LRRC4C: variants seen among roughly 807,000 people sequenced by gnomAD.
LRRC4C encodes leucine-rich repeat-containing protein 4C.
LRRC4C carries 5 observed loss-of-function variants against 33.6 expected under a neutral mutation model. The ratio of observed to expected loss-of-function variants is 0.15; its 90% CI spans 0.08 to 0.31. The LOEUF (loss-of-function observed/expected upper bound fraction) is 0.31. Ranked by LOEUF, LRRC4C falls within the 10% of genes least tolerant of loss-of-function variation. The pLI is 1.00. For missense variants in LRRC4C, 560 were observed against 796.7 expected, an observed-to-expected ratio of 0.70 and a Z score of 3.58; for synonymous variants, 329 against 302.0, an observed-to-expected ratio of 1.09 and a Z score of -0.93.
intron 2 of LRRC4C, among the ~76,000 whole-genome samples, chr11:40,807,404 C>T (rs1565085550): frequency 2.0e-5 from 3 of 152,150 alleles, no homozygotes; most frequent in Non-Finnish European, 4.4e-5. Flanking sequence ...ACAAACAAAC[C>T]GTGAGCACAC....
intron 1 of LRRC4C, among the ~76,000 whole-genome samples, chr11:41,367,092 C>A (rs1053226668): frequency 1.3e-5 from 2 of 152,106 alleles, no homozygotes; most frequent in African/African-American, 2.4e-5. Flanking sequence ...ATGACTAATC[C>A]AAAGACACAG....
chr11:40,910,881 G>A (rs1180789389), intron 2 of LRRC4C, among the ~76,000 whole-genome samples: 2 of 152,204 alleles, frequency 1.3e-5, no homozygotes, highest in Admixed American at 6.5e-5. Flanking sequence ...CTTAGCAAAC[G>A]GCACACAAGA....
At chr11:41,124,031 GCA>G (rs1942612299) in intron 1 of LRRC4C, among the ~76,000 whole-genome samples, 2 of 152,072 alleles carry the variant, frequency 1.3e-5, no homozygotes, top group South Asian at 4.2e-4. Context: ...ACTGGTTTCT[GCA>G]CAGTTTCACA....
rs149565207 is a variant in LRRC4C at position 41,284,166 on chromosome 11, A to C, written c.-496+175265T>G. Among the ~76,000 whole-genome samples the C allele has an allele frequency of 4.7e-3, 718 of 152,342 alleles. 3 individuals are homozygous for C. Among genetic ancestry groups the C allele is most frequent in the African/African-American group, 0.015 (634 of 41,582 alleles). The stretch of plus-strand genomic sequence containing the variant: ...AACAATGATTACGTTTCATTGAGAA[A>C]TTTTAATTTTCTTTTCTGTTGTTCC... On this transcript the variant is annotated intron_variant, in intron 1 of 6. Transcript: ENST00000528697.
intron 2 of LRRC4C, among the ~76,000 whole-genome samples, chr11:40,652,159 A>AGCTGAACAAGGTTGTCTTAAGCCTC (rs1425843153): frequency 6.6e-6 from 1 of 152,200 alleles, no homozygotes; most frequent in Non-Finnish European, 1.5e-5. Flanking sequence ...CACGGCTGCA[A>AGCTGAACAAGGTTGTCTTAAGCCTC]GCTGAACAAG....
chr11:40,663,260 T>C (rs2136221934), intron 2 of LRRC4C, among the ~76,000 whole-genome samples: 1 of 152,112 alleles, frequency 6.6e-6, no homozygotes, highest in African/African-American at 2.4e-5. Context: ...TTTGTATTTT[T>C]TTAGTAGAGA....
chr11:40,547,648 A>G lies in LRRC4C; in HGVS notation c.-270+100494T>C, dbSNP rs534858436. Among the ~76,000 whole-genome samples, 7 of 152,214 alleles carry G rather than the reference A, an allele frequency of 4.6e-5. No homozygotes were observed. In the South Asian group the frequency reaches 1.4e-3, roughly 32 times the overall value. ...AATCCTTATTGCTTTTGCTTTTCCA[A>G]GTTAGAACTCTACCTGAATAACACA... On this transcript the variant is annotated intron_variant, in intron 3 of 6. Transcript: ENST00000528697.
intron 1 of LRRC4C, among the ~76,000 whole-genome samples, chr11:41,021,132 T>G (rs185458501): frequency 6.7e-6 from 1 of 148,806 alleles, no homozygotes; most frequent in Admixed American, 6.8e-5. Flanking sequence ...AAAGTCCCTG[T>G]TATTTTGTTC....
At chr11:41,086,720 T>TA (rs1940015162) in intron 1 of LRRC4C, among the ~76,000 whole-genome samples, 1 of 152,138 alleles carries the variant, frequency 6.6e-6, no homozygotes, top group Non-Finnish European at 1.5e-5. Context: ...TCAAAGCAGC[T>TA]AAAAACTGCT....
rs11035888 is a variant in LRRC4C, at chr11:40,523,548, A to C, written c.-270+124594T>G. Among the ~76,000 whole-genome samples, 1,006 of 149,126 alleles carry C rather than the reference A, an allele frequency of 6.7e-3. 17 individuals are homozygous for C. Among genetic ancestry groups the C allele is most frequent in the African/African-American group, 0.023 (964 of 41,026 alleles). On this transcript the variant is annotated intron_variant, in intron 3 of 6. Transcript: ENST00000528697. ...TTATATACATAAATATTATATATAA[A>C]TGAAAATTTCTAAATATTATGTAAA...
intron 1 of LRRC4C, among the ~76,000 whole-genome samples, chr11:41,443,352 C>T (rs1590298160): frequency 1.3e-5 from 2 of 151,678 alleles, no homozygotes; most frequent in Non-Finnish European, 2.9e-5. Flanking sequence ...TACTGAAATC[C>T]AAAAAATTTA....
intron 3 of LRRC4C, among the ~76,000 whole-genome samples, chr11:40,587,293 TA>T (rs1369849022): frequency 7.7e-5 from 11 of 141,958 alleles, no homozygotes; most frequent in African/African-American, 2.9e-4. Context: ...TGTTGGTGTA[TA>T]AGAATGCTTG....
chr11:41,411,480 G>C (rs1434938548), intron 1 of LRRC4C, among the ~76,000 whole-genome samples: 1 of 151,918 alleles, frequency 6.6e-6, no homozygotes, highest in East Asian at 1.9e-4. Context: ...AAGTAGGTAA[G>C]AGACAAAACC....
chr11:40,827,611 C>T (rs920281592), intron 2 of LRRC4C, among the ~76,000 whole-genome samples: 9 of 151,660 alleles, frequency 5.9e-5, no homozygotes, highest in African/African-American at 2.2e-4. Flanking sequence ...CTTATGGGCC[C>T]TTAGAGAAAA....
chr11:40,588,924 GGT>G (rs1355831919), intron 3 of LRRC4C, among the ~76,000 whole-genome samples: 2 of 152,098 alleles, frequency 1.3e-5, no homozygotes, highest in African/African-American at 4.8e-5. Context: ...GAATAGGTGT[GGT>G]GTGGTGCTGA....
intron 1 of LRRC4C, among the ~76,000 whole-genome samples, chr11:40,950,845 A>C (rs141482079): frequency 1.3e-5 from 2 of 151,924 alleles, no homozygotes. Context: ...TTTTAATAAA[A>C]AATTTGATCC....
At chr11:41,166,437 A>G (rs1269576827) in intron 1 of LRRC4C, among the ~76,000 whole-genome samples, 2 of 152,218 alleles carry the variant, frequency 1.3e-5, no homozygotes, top group Non-Finnish European at 2.9e-5. Flanking sequence ...AGACCTTAAC[A>G]CTTTATGCTT....
At chr11:41,093,026 A>G (rs1940540922) in intron 1 of LRRC4C, among the ~76,000 whole-genome samples, 1 of 152,232 alleles carries the variant, frequency 6.6e-6, no homozygotes. Flanking sequence ...TATCTGAATT[A>G]ACAGTAGTAA....
chr11:41,330,860 T>G (rs1951272857), intron 1 of LRRC4C, among the ~76,000 whole-genome samples: 1 of 152,152 alleles, frequency 6.6e-6, no homozygotes, highest in Non-Finnish European at 1.5e-5. Flanking sequence ...ATATATACAT[T>G]AGTCTCCAAA....
Sources: allele counts gnomAD v4.1 joint callset (sites outside exome capture counted in the v4.1 genomes callset), GRCh38; gene constraint gnomAD v4.1.1; transcripts MANE v1.5; gene names NCBI Gene and HGNC (gene_info 2026-07-23, HGNC 2026-07-21).